MAGI1: variants seen among roughly 807,000 people sequenced by gnomAD.
MAGI1 encodes membrane associated guanylate kinase, WW and PDZ domain containing 1, also known as membrane-associated guanylate kinase, WW and PDZ domain-containing protein 1.
In MAGI1, 58 loss-of-function variants were observed where a neutral mutation model predicts 139.9. The ratio of observed to expected loss-of-function variants is 0.41; its 90% CI spans 0.34 to 0.52. The LOEUF (loss-of-function observed/expected upper bound fraction) is 0.52. MAGI1 is among the 20% of genes least tolerant of loss of function. The probability of loss-of-function intolerance (pLI) is 0.12; values close to 1 mark genes in which losing one functional copy is unlikely to be tolerated. For synonymous variants in MAGI1, 812 were observed against 737.9 expected (o/e 1.10, Z -1.63); for missense variants, 1,874 against 1,901.6 (o/e 0.99, Z 0.27).
chr3:65,966,617 G>A (rs1216502477), intron 1 of MAGI1, among the ~76,000 whole-genome samples: 3 of 151,920 alleles, frequency 2.0e-5, no homozygotes, highest in South Asian at 2.1e-4. Context: ...AGGGGGGAGC[G>A]GGGAGAGTGG....
At position 65,796,245 on chromosome 3, in the gene MAGI1, T is replaced by G. The variant is rs185676513; in HGVS notation, c.314-174157A>C. On this transcript the variant is annotated intron_variant, in intron 1 of 22. Coordinates refer to ENST00000402939, the MANE Select transcript of MAGI1 (RefSeq NM_001033057.2). ...TTCTTTGTCTTTTAAGGCTATTTTC[T>G]TTTAAGTCTATTTTCTTTTAAGGCT... 5.9e-4 allele frequency among the ~76,000 whole-genome samples: 90 copies of G among 152,132 alleles called. No homozygotes were observed. The East Asian group carries it at 0.017, about 28-fold the overall frequency.
At chr3:65,918,807 C>A (rs187712945) in intron 1 of MAGI1, among the ~76,000 whole-genome samples, 248 of 152,228 alleles carry the variant, frequency 1.6e-3, no homozygotes, top group Non-Finnish European at 2.6e-3. Flanking sequence ...ATGCTCTTCT[C>A]TTCAAATTAT....
intron 2 of MAGI1, among the ~76,000 whole-genome samples, chr3:65,559,158 C>T (rs1320111549): frequency 2.0e-5 from 3 of 152,206 alleles, no homozygotes; most frequent in African/African-American, 4.8e-5. Context: ...TTTAGTATCT[C>T]TTTAAGAATA....
At chr3:65,544,307 A>G (rs898891899) in intron 2 of MAGI1, among the ~76,000 whole-genome samples, 50 of 152,182 alleles carry the variant, frequency 3.3e-4, no homozygotes, top group African/African-American at 1.1e-3. Flanking sequence ...GACCATTAGG[A>G]ACATACCTGT....
chr3:65,718,190 G>C (rs937375694), intron 1 of MAGI1, among the ~76,000 whole-genome samples: 9 of 152,004 alleles, frequency 5.9e-5, no homozygotes, highest in African/African-American at 2.2e-4. Context: ...CATCATACTG[G>C]TCAACACAAA....
intron 1 of MAGI1, among the ~76,000 whole-genome samples, chr3:65,726,008 A>C (rs1018994692): frequency 1.3e-5 from 2 of 152,236 alleles, no homozygotes; most frequent in African/African-American, 4.8e-5. Context: ...GTATTTTCTG[A>C]AGCCAGTTTA....
At chr3:65,393,981 A>G (rs1055673354) in intron 13 of MAGI1, among the ~76,000 whole-genome samples, 6 of 152,196 alleles carry the variant, frequency 3.9e-5, no homozygotes, top group African/African-American at 1.2e-4. Flanking sequence ...ACCCACTGAG[A>G]AAGTCTGATA....
At chr3:65,688,077 C>G (rs142205172) in intron 1 of MAGI1, 22 of 761,256 alleles carry the variant, frequency 2.9e-5, no homozygotes, top group Admixed American at 2.1e-4. Flanking sequence ...CCCCAACAGA[C>G]AGCCTTTGGC....
intron 1 of MAGI1, among the ~76,000 whole-genome samples, chr3:65,861,656 T>C (rs2059560480): frequency 1.3e-5 from 2 of 151,630 alleles, no homozygotes; most frequent in African/African-American, 4.9e-5. Context: ...AGTTTCAGAG[T>C]GAGGAGCCAC....
chr3:65,500,752 A>T (rs1180976574), intron 2 of MAGI1, among the ~76,000 whole-genome samples: 1 of 152,222 alleles, frequency 6.6e-6, no homozygotes, highest in Non-Finnish European at 1.5e-5. Flanking sequence ...CTGTTAAAGG[A>T]AAATAATCAG....
intron 1 of MAGI1, among the ~76,000 whole-genome samples, chr3:65,705,185 T>C (rs2107626117): frequency 6.6e-6 from 1 of 152,300 alleles, no homozygotes; most frequent in South Asian, 2.1e-4. Context: ...AAAAAATTTC[T>C]AAGCTTACAT....
intron 1 of MAGI1, among the ~76,000 whole-genome samples, chr3:65,906,752 G>C (rs2061449954): frequency 6.6e-6 from 1 of 151,872 alleles, no homozygotes; most frequent in Non-Finnish European, 1.5e-5. Context: ...TGGGCGTGGT[G>C]GTGGGCACCT....
intron 2 of MAGI1, among the ~76,000 whole-genome samples, chr3:65,523,709 A>T (rs1049370187): frequency 5.3e-5 from 8 of 152,210 alleles, no homozygotes; most frequent in Non-Finnish European, 8.8e-5. Flanking sequence ...TTAGAACTCA[A>T]CTGCACAAGT....
At chr3:65,500,418 C>G (rs750802456) in intron 2 of MAGI1, among the ~76,000 whole-genome samples, 10 of 152,184 alleles carry the variant, frequency 6.6e-5, no homozygotes, top group Non-Finnish European at 1.3e-4. Context: ...GAGTGGCTAT[C>G]TGCTTCTTAC....
At chr3:65,801,506 T>C (rs530044627) in intron 1 of MAGI1, among the ~76,000 whole-genome samples, 6 of 152,288 alleles carry the variant, frequency 3.9e-5, no homozygotes, top group African/African-American at 1.4e-4. Flanking sequence ...GAAACAGCAT[T>C]ATAGGCCAAC....
intron 1 of MAGI1, among the ~76,000 whole-genome samples, chr3:65,850,755 C>T (rs1377650323): frequency 3.9e-5 from 6 of 152,174 alleles, no homozygotes; most frequent in East Asian, 1.9e-4. Context: ...ACTTTCTCCA[C>T]GGCTGAGAAC....
chr3:65,817,789 T>A (rs954778023), intron 1 of MAGI1, among the ~76,000 whole-genome samples: 3 of 152,194 alleles, frequency 2.0e-5, no homozygotes, highest in African/African-American at 7.2e-5. Flanking sequence ...ACCACTTTTA[T>A]CACAGTAACA....
At chr3:65,663,114 G>A (rs1445954987) in intron 1 of MAGI1, among the ~76,000 whole-genome samples, 2 of 151,988 alleles carry the variant, frequency 1.3e-5, no homozygotes, top group Non-Finnish European at 2.9e-5. Context: ...GGAACTAAAG[G>A]GTAACAAAGT....
chr3:65,456,734 C>T (rs1241790798), intron 5 of MAGI1, among the ~76,000 whole-genome samples: 2 of 152,060 alleles, frequency 1.3e-5, no homozygotes, highest in African/African-American at 2.4e-5. Context: ...GCTTACATGC[C>T]TCTGGTCGTC....
Sources: gnomAD v4.1 joint callset for allele counts (sites outside exome capture counted in the v4.1 genomes callset) on GRCh38, gnomAD v4.1.1 for gene constraint, MANE v1.5 for transcripts, NCBI Gene and HGNC (gene_info 2026-07-23, HGNC 2026-07-21) for gene names.